IL1RAPL1: variants seen among roughly 807,000 people sequenced by gnomAD.
IL1RAPL1 encodes interleukin-1 receptor accessory protein-like 1.
IL1RAPL1 carries 3 observed loss-of-function variants against 48.4 expected under a neutral mutation model. The ratio of observed to expected loss-of-function variants is 0.06; its 90% confidence interval spans 0.03 to 0.16. The LOEUF (loss-of-function observed/expected upper bound fraction) is 0.16. IL1RAPL1 is among the 10% of genes least tolerant of loss of function. The pLI is 1.00. For synonymous variants in IL1RAPL1, 185 were observed against 187.7 expected (o/e 0.99, Z 0.12); for missense variants, 349 against 530.6 (o/e 0.66, Z 3.36).
At chrX:28,664,186 A>G (rs1934850642) in intron 1 of IL1RAPL1, among the ~76,000 whole-genome samples, 2 of 112,652 alleles carry the variant, frequency 1.8e-5, no homozygotes, top group South Asian at 7.3e-4. Flanking sequence ...ATTTTAAACC[A>G]AAGTATAAAT....
intron 2 of IL1RAPL1, among the ~76,000 whole-genome samples, chrX:29,240,273 C>T (rs1308923929): frequency 9.0e-5 from 7 of 78,160 alleles, no homozygotes; most frequent in Non-Finnish European, 1.6e-4. Context: ...CTCACTCAGT[C>T]GTCCAGGCTG....
chrX:29,476,858 T>A (rs1349126752), intron 5 of IL1RAPL1, among the ~76,000 whole-genome samples: 5 of 101,175 alleles, frequency 4.9e-5, no homozygotes, highest in Non-Finnish European at 7.9e-5. Flanking sequence ...ACTCATTTAC[T>A]TTTTACCCAT....
chrX:29,535,149 A>G (rs2092647569), intron 5 of IL1RAPL1, among the ~76,000 whole-genome samples: 1 of 105,253 alleles, frequency 9.5e-6, no homozygotes, highest in African/African-American at 3.5e-5. Context: ...AAAAAAAAAA[A>G]AAAAAAAAAA....
At chrX:29,333,547 T>G (rs1223773919) in intron 3 of IL1RAPL1, among the ~76,000 whole-genome samples, 6 of 79,830 alleles carry the variant, frequency 7.5e-5, no homozygotes, top group Non-Finnish European at 1.4e-4. Context: ...TCCCCCCACC[T>G]CCCTCCAGGA....
At chrX:28,744,566 G>C (rs934955220) in intron 1 of IL1RAPL1, among the ~76,000 whole-genome samples, 2 of 111,205 alleles carry the variant, frequency 1.8e-5, no homozygotes, top group African/African-American at 3.3e-5. Flanking sequence ...TTCAAAAGAT[G>C]GTTGCCTGTG....
At chrX:28,921,023 G>A (rs942575024) in intron 2 of IL1RAPL1, among the ~76,000 whole-genome samples, 2 of 111,159 alleles carry the variant, frequency 1.8e-5, no homozygotes, top group Non-Finnish European at 3.8e-5. Context: ...CAGGAGGAGG[G>A]AGAGCAAAGT....
At chrX:28,837,922 C>T (rs1221892675) in intron 2 of IL1RAPL1, among the ~76,000 whole-genome samples, 2 of 109,200 alleles carry the variant, frequency 1.8e-5, no homozygotes, top group African/African-American at 6.7e-5. Flanking sequence ...ATTTCCTCCA[C>T]ACAATAAAAT....
chrX:29,286,033 AAATATTCTGAGTATTAAC>A (rs1932278896), intron 3 of IL1RAPL1, among the ~76,000 whole-genome samples: 2 of 112,176 alleles, frequency 1.8e-5, no homozygotes, highest in African/African-American at 3.2e-5. Context: ...TCTTTCTGAT[AAATATTCTGAGTATTAAC>A]TTGTCAATGA....
intron 1 of IL1RAPL1, among the ~76,000 whole-genome samples, chrX:28,676,247 A>T (rs1934995773): frequency 9.0e-6 from 1 of 111,639 alleles, no homozygotes; most frequent in Non-Finnish European, 1.9e-5. Flanking sequence ...AAATTCCTTA[A>T]GAAAATTTAA....
chrX:29,112,023 A>G (rs1419293934), intron 2 of IL1RAPL1, among the ~76,000 whole-genome samples: 2 of 99,315 alleles, frequency 2.0e-5, no homozygotes, highest in Admixed American at 1.2e-4. Context: ...TCCATCTCTC[A>G]GGTTCAAGCG....
intron 3 of IL1RAPL1, among the ~76,000 whole-genome samples, chrX:29,368,736 ATG>A (rs376272672): frequency 0.049 from 5,093 of 103,370 alleles, 341 homozygotes; most frequent in African/African-American, 0.17. Context: ...GCCTCTGTGT[ATG>A]TGTGTGTGTG....
intron 2 of IL1RAPL1, among the ~76,000 whole-genome samples, chrX:29,060,498 G>T (rs1927317926): frequency 1.8e-5 from 2 of 111,677 alleles, no homozygotes; most frequent in African/African-American, 6.5e-5. Flanking sequence ...TTACTCCAAT[G>T]GATTAATCAT....
intron 6 of IL1RAPL1, among the ~76,000 whole-genome samples, chrX:29,802,191 G>A (rs1053533394): frequency 5.4e-5 from 6 of 111,872 alleles, no homozygotes; most frequent in Admixed American, 2.9e-4. Flanking sequence ...GGCATGGAGC[G>A]TTCGGTAGCT....
At chrX:29,939,924 G>A (rs965473646) in intron 8 of IL1RAPL1, among the ~76,000 whole-genome samples, 15 of 103,635 alleles carry the variant, frequency 1.4e-4, no homozygotes, top group East Asian at 3.0e-4. Flanking sequence ...GTGTAGTGGC[G>A]CGATCTCAGC....
intron 1 of IL1RAPL1, among the ~76,000 whole-genome samples, chrX:28,741,205 A>AT (rs1290102550): frequency 9.0e-6 from 1 of 111,003 alleles, no homozygotes; most frequent in South Asian, 3.8e-4. Flanking sequence ...AATATCTGTT[A>AT]TTTTTTTACT....
chrX:29,523,932 C>A (rs893405865), intron 5 of IL1RAPL1, among the ~76,000 whole-genome samples: 3 of 110,975 alleles, frequency 2.7e-5, no homozygotes, highest in African/African-American at 9.8e-5. Context: ...TTCTCCATTT[C>A]TTTTAGTGTT....
chrX:29,364,592 A>G (rs1004143988), intron 3 of IL1RAPL1, among the ~76,000 whole-genome samples: 1 of 105,314 alleles, frequency 9.5e-6, no homozygotes, highest in Admixed American at 1.0e-4. Context: ...AAGAAAAAAT[A>G]TTTGGAAAAA....
chrX:29,535,133 CCA>C (rs1491319614), intron 5 of IL1RAPL1, among the ~76,000 whole-genome samples: 8 of 14,580 alleles, frequency 5.5e-4, no homozygotes, highest in African/African-American at 3.5e-3. Flanking sequence ...GACTCTGTCT[CCA>C]AAAAAAAAAA....
chrX:28,911,228 G>A (rs1390949028), intron 2 of IL1RAPL1, among the ~76,000 whole-genome samples: 5 of 111,045 alleles, frequency 4.5e-5, no homozygotes, highest in Admixed American at 9.6e-5. Context: ...TTGTTTATAC[G>A]GTTAAAAGGA....
Sources: allele counts gnomAD v4.1 joint callset (sites outside exome capture counted in the v4.1 genomes callset), GRCh38; gene constraint gnomAD v4.1.1; transcripts MANE v1.5; gene names NCBI Gene and HGNC (gene_info 2026-07-23, HGNC 2026-07-21).